Variants in DNAI7 observed in about 807,000 individuals in gnomAD.
The protein encoded by DNAI7 is cancer susceptibility 1.
In DNAI7, 78 loss-of-function variants were observed where a neutral mutation model predicts 86.6. That is an observed-to-expected ratio of 0.90 (90% CI 0.75 to 1.09). The LOEUF is 1.09. Among genes scored for constraint, DNAI7 ranks in the 50% least tolerant of loss-of-function variants. The pLI is 0.00. For synonymous variants in DNAI7, 274 were observed against 273.0 expected (o/e 1.00, Z -0.04); for missense variants, 753 against 810.2 (o/e 0.93, Z 0.86).
chr12:25,141,073 A>G (rs1166097848), intron 9 of DNAI7, among the ~76,000 whole-genome samples: 1 of 152,228 alleles, frequency 6.6e-6, no homozygotes. Context: ...AAAATGAATC[A>G]AAGACTTAAA....
intron 12 of DNAI7, among the ~76,000 whole-genome samples, chr12:25,115,369 T>G (rs991324712): frequency 6.6e-6 from 1 of 152,208 alleles, no homozygotes; most frequent in African/African-American, 2.4e-5. Flanking sequence ...AGAACATTTT[T>G]ATCCCCTCAG....
At chr12:25,174,458 C>G (rs1163011403) in intron 2 of DNAI7, among the ~76,000 whole-genome samples, 1 of 30,590 alleles carries the variant, frequency 3.3e-5, no homozygotes, top group Non-Finnish European at 6.2e-5. Context: ...ATATATATAT[C>G]ATATATATCA....
intron 2 of DNAI7, among the ~76,000 whole-genome samples, chr12:25,178,202 GA>G (rs1949148162): frequency 6.6e-6 from 1 of 152,118 alleles, no homozygotes; most frequent in South Asian, 2.1e-4. Context: ...ACCTCTGAAT[GA>G]AAAACTAGCA....
At chr12:25,160,358 T>C (rs1946700214) in intron 3 of DNAI7, among the ~76,000 whole-genome samples, 1 of 152,194 alleles carries the variant, frequency 6.6e-6, no homozygotes, top group African/African-American at 2.4e-5. Context: ...TTCTTTGCCT[T>C]CTACTTTTAA....
intron 13 of DNAI7, among the ~76,000 whole-genome samples, chr12:25,113,806 T>A (rs1198649312): frequency 6.6e-6 from 1 of 152,108 alleles, no homozygotes; most frequent in Non-Finnish European, 1.5e-5. Flanking sequence ...TTTAGATCAT[T>A]TTCATCCCTC....
chr12:25,113,162 G>T (rs2140358186), intron 13 of DNAI7, among the ~76,000 whole-genome samples: 1 of 152,080 alleles, frequency 6.6e-6, no homozygotes, highest in Non-Finnish European at 1.5e-5. Context: ...AACCTCTATG[G>T]GCCTTAGTTT....
At chr12:25,108,245 T>A (rs1423751876), downstream of DNAI7, 2 of 632,180 alleles carry the variant, frequency 3.2e-6, no homozygotes, top group Non-Finnish European at 5.3e-6. Context: ...GGAAGAAGTC[T>A]GCCTATGATC....
At chr12:25,134,288 A>ACATAGCCTC (rs1943273936) in intron 9 of DNAI7, among the ~76,000 whole-genome samples, 1 of 151,118 alleles carries the variant, frequency 6.6e-6, no homozygotes, top group Admixed American at 6.6e-5. Flanking sequence ...ATGTATTTGA[A>ACATAGCCTC]CATAGCCTCA....
intron 9 of DNAI7, among the ~76,000 whole-genome samples, 162 bp from the exon 10 acceptor site, chr12:25,123,448 T>G (rs1214077575): frequency 6.6e-6 from 1 of 152,194 alleles, no homozygotes; most frequent in Non-Finnish European, 1.5e-5. Flanking sequence ...TCAAAAGCAA[T>G]ATTTTAACAA....
chr12:25,166,312 C>CT (rs1369743441), intron 2 of DNAI7, among the ~76,000 whole-genome samples: 5 of 152,150 alleles, frequency 3.3e-5, no homozygotes, highest in Non-Finnish European at 5.9e-5. Flanking sequence ...ATTGTTTTGC[C>CT]TATCCACCCC....
At chr12:25,183,551 T>C (rs541594438) in intron 2 of DNAI7, among the ~76,000 whole-genome samples, 28 of 152,050 alleles carry the variant, frequency 1.8e-4, no homozygotes, top group Non-Finnish European at 3.7e-4. Flanking sequence ...ATTTGTATAG[T>C]ATGACTTTTT....
At chr12:25,133,359 T>C (rs368489516) in intron 9 of DNAI7, among the ~76,000 whole-genome samples, 256 of 152,332 alleles carry the variant, frequency 1.7e-3, no homozygotes, top group African/African-American at 5.9e-3. Flanking sequence ...ATTATCTCTG[T>C]CTTCCTCTTT....
At chr12:25,127,039 A>C (rs1942235023) in intron 9 of DNAI7, among the ~76,000 whole-genome samples, 1 of 152,212 alleles carries the variant, frequency 6.6e-6, no homozygotes, top group Non-Finnish European at 1.5e-5. Context: ...CTTGCATATA[A>C]CACATTGCCT....
chr12:25,191,876 C>T (rs1950553305), intron 1 of DNAI7, among the ~76,000 whole-genome samples: 1 of 152,180 alleles, frequency 6.6e-6, no homozygotes, highest in South Asian at 2.1e-4. Flanking sequence ...TGATTAGGCT[C>T]ATGTGTTTAT....
At chr12:25,122,001 AG>A in intron 10 of DNAI7, 88 bp from the exon 11 acceptor site, 1 of 909,510 alleles carries the variant, frequency 1.1e-6, no homozygotes, top group Non-Finnish European at 1.6e-6. Flanking sequence ...ATACTGGTAA[AG>A]GAAGTTTCTA....
chr12:25,144,260 C>A, intron 9 of DNAI7, 105 bp downstream of exon 9: 1 of 951,962 alleles, frequency 1.1e-6, no homozygotes, highest in South Asian at 1.7e-5. Flanking sequence ...AAGTGGCTCC[C>A]AGACAATTTC....
chr12:25,147,020 T>C lies in DNAI7; in HGVS notation c.670A>G (p.Asn224Asp), dbSNP rs1208578977. The C allele has an allele frequency of 6.3e-7, 1 of 1,590,344 alleles. No individual in the cohort carries two copies. Among genetic ancestry groups the C allele is most frequent in the Admixed American group, 1.7e-5 (1 of 59,968 alleles). Residue 224 changes from asparagine (N) to aspartate (D), a missense_variant, in exon 8 of 16, where the codon AAC becomes GAC. Physicochemically the swap from Asn to Asp is conservative, Grantham distance 23. Transcript: ENST00000395987. ...GGGTACCTTGGATTCTTCTTGAGGT[T>C]TGCCCACACATACAGAGTAACATTT... Reference protein sequence around the residue: ...DENVTLYVWANLKKNPRHRSV... With the variant: ...DENVTLYVWADLKKNPRHRSV...
intron 12 of DNAI7, among the ~76,000 whole-genome samples, chr12:25,115,228 G>A (rs1385753987): frequency 6.6e-6 from 1 of 152,092 alleles, no homozygotes; most frequent in African/African-American, 2.4e-5. Flanking sequence ...CTACAATACT[G>A]TTCCCTAATC....
At chr12:25,123,070 A>G (rs1941568546) in intron 10 of DNAI7, 141 bp downstream of exon 10, 1 of 591,536 alleles carries the variant, frequency 1.7e-6, no homozygotes, top group Non-Finnish European at 2.9e-6. Context: ...TAACACTGGT[A>G]TCTCAGAAAA....
Sources: allele counts gnomAD v4.1 joint callset (sites outside exome capture counted in the v4.1 genomes callset), GRCh38; gene constraint gnomAD v4.1.1; transcripts MANE v1.5; gene names NCBI Gene and HGNC (gene_info 2026-07-23, HGNC 2026-07-21).